The following KHDRBS2 variants were observed in gnomAD, a reference collection of about 807,000 sequenced individuals.
KHDRBS2 encodes the protein KH domain-containing, RNA-binding, signal transduction-associated protein 2.
In KHDRBS2, 26 loss-of-function variants were observed where a neutral mutation model predicts 44.3. That is an observed-to-expected ratio of 0.59 (90% CI 0.43 to 0.81). The LOEUF (loss-of-function observed/expected upper bound fraction) is 0.81, where lower values mean the gene tolerates loss of function less well. KHDRBS2 is among the 40% of genes least tolerant of loss of function. The probability of loss-of-function intolerance (pLI) is 0.00; values close to 1 mark genes in which losing one functional copy is unlikely to be tolerated. For missense variants in KHDRBS2, 476 were observed against 433.1 expected (o/e 1.10, Z -0.88); for synonymous variants, 194 against 151.1 (o/e 1.28, Z -2.08).
chr6:62,095,421 T>C (rs1326971801), intron 2 of KHDRBS2, among the ~76,000 whole-genome samples: 1 of 151,884 alleles, frequency 6.6e-6, no homozygotes, highest in East Asian at 1.9e-4. Context: ...ACCTTTTCTA[T>C]GTTTAGATAC....
In KHDRBS2 at chr6:61,974,114, T is replaced by A. The variant is rs550151033; in HGVS notation, c.483+3952A>T. Among the ~76,000 whole-genome samples, 3 of 152,316 alleles carry A rather than the reference T, an allele frequency of 2.0e-5. No individual in the cohort carries two copies. The South Asian group carries it at 6.2e-4, about 32-fold the overall frequency. The stretch of plus-strand genomic sequence containing the variant: ...TCATGAGTTAATAATTAAGCATTAG[T>A]AAAACTTATTAATTCAATTGAATTG... On this transcript the variant is annotated intron_variant, in intron 4 of 8. Coordinates refer to ENST00000281156, the MANE Select transcript of KHDRBS2 (RefSeq NM_152688.4).
intron 4 of KHDRBS2, among the ~76,000 whole-genome samples, chr6:61,976,449 A>G (rs1772678430): frequency 6.6e-6 from 1 of 152,098 alleles, no homozygotes; most frequent in Non-Finnish European, 1.5e-5. Context: ...TAGCCTACAG[A>G]GTAGGATATA....
At chr6:61,962,367 G>C (rs1276637562) in intron 4 of KHDRBS2, among the ~76,000 whole-genome samples, 1 of 152,066 alleles carries the variant, frequency 6.6e-6, no homozygotes, top group Non-Finnish European at 1.5e-5. Flanking sequence ...AAAACTTGCT[G>C]CTCTAACACA....
At chr6:62,074,673 C>A (rs1795978047) in intron 2 of KHDRBS2, among the ~76,000 whole-genome samples, 1 of 151,870 alleles carries the variant, frequency 6.6e-6, no homozygotes, top group African/African-American at 2.4e-5. Context: ...GTTATCATGG[C>A]TAAACATGTC....
At position 61,764,344 on chromosome 6, in the gene KHDRBS2, C is replaced by A. The variant is rs144047459; in HGVS notation, c.811-31580G>T. 3.2e-4 allele frequency among the ~76,000 whole-genome samples: 49 copies of A among 152,204 alleles called. No individual in the cohort carries two copies. In the East Asian group the frequency reaches 9.1e-3, roughly 28 times the overall value. On this transcript the variant is annotated intron_variant, in intron 6 of 8. Coordinates refer to ENST00000281156, the MANE Select transcript of KHDRBS2 (RefSeq NM_152688.4). Reference sequence around the variant, plus strand: ...ACGATTATATTCCTTTGGGTATATACCCAGTAATGGGATTGCTGGGTAAAA... The same window carrying A: ...ACGATTATATTCCTTTGGGTATATAACCAGTAATGGGATTGCTGGGTAAAA...
intron 4 of KHDRBS2, among the ~76,000 whole-genome samples, chr6:61,968,949 GA>G (rs1770726678): frequency 6.6e-6 from 1 of 151,680 alleles, no homozygotes. Context: ...ATAAAAGAAA[GA>G]AAAAAATAAT....
At chr6:61,824,241 G>A (rs1231943249) in intron 6 of KHDRBS2, among the ~76,000 whole-genome samples, 1 of 152,108 alleles carries the variant, frequency 6.6e-6, no homozygotes, top group East Asian at 1.9e-4. Context: ...AGTGTTGGAG[G>A]GCCTGGTGGG....
intron 2 of KHDRBS2, among the ~76,000 whole-genome samples, chr6:62,093,888 GTGTGTA>G (rs755611852): frequency 2.8e-3 from 393 of 142,524 alleles, no homozygotes; most frequent in African/African-American, 7.0e-3. Context: ...GTGTGTGTGT[GTGTGTA>G]TATCACATTT....
intron 6 of KHDRBS2, among the ~76,000 whole-genome samples, chr6:61,876,491 C>A (rs1267018664): frequency 7.4e-6 from 1 of 135,530 alleles, no homozygotes; most frequent in African/African-American, 2.5e-5. Context: ...TATTAGTGTA[C>A]CTACATTCTT....
the KHDRBS2 span, among the ~76,000 whole-genome samples, chr6:61,655,346 C>T: frequency 6.6e-5 from 10 of 151,914 alleles, no homozygotes; most frequent in African/African-American, 2.4e-4. Context: ...CCTCCACCTA[C>T]TAGTTTAAGT....
intron 6 of KHDRBS2, among the ~76,000 whole-genome samples, chr6:61,765,929 G>T (rs1215681690): frequency 7.6e-6 from 1 of 132,370 alleles, no homozygotes; most frequent in Non-Finnish European, 1.6e-5. Flanking sequence ...AGGTTTATTG[G>T]CCTGTAGTTT....
chr6:61,698,492 A>C (rs1221754441), intron 7 of KHDRBS2, among the ~76,000 whole-genome samples: 1 of 152,146 alleles, frequency 6.6e-6, no homozygotes, highest in East Asian at 1.9e-4. Flanking sequence ...CATTTAAATG[A>C]GTATGCTATC....
At chr6:61,764,945 A>G (rs1216317825) in intron 6 of KHDRBS2, among the ~76,000 whole-genome samples, 2 of 124,670 alleles carry the variant, frequency 1.6e-5, no homozygotes, top group Non-Finnish European at 3.7e-5. Context: ...TTTAAAAAAA[A>G]TCAAAAACTT....
At chr6:61,810,784 T>C (rs1787997672) in intron 6 of KHDRBS2, among the ~76,000 whole-genome samples, 1 of 151,896 alleles carries the variant, frequency 6.6e-6, no homozygotes, top group Non-Finnish European at 1.5e-5. Context: ...AAGAATAGAG[T>C]AAAATAATGC....
intron 6 of KHDRBS2, among the ~76,000 whole-genome samples, chr6:61,771,292 A>C (rs1014061335): frequency 2.0e-5 from 3 of 152,178 alleles, no homozygotes; most frequent in East Asian, 1.9e-4. Context: ...TGAGCAAAAT[A>C]ACCAGCTAAC....
chr6:62,180,944 A>C (rs536318400), intron 1 of KHDRBS2, among the ~76,000 whole-genome samples: 1 of 151,854 alleles, frequency 6.6e-6, no homozygotes, highest in East Asian at 1.9e-4. Flanking sequence ...AGGGAGAAAA[A>C]AAGTCTCTTC....
chr6:61,824,604 C>G, intron 6 of KHDRBS2, among the ~76,000 whole-genome samples: 1 of 152,210 alleles, frequency 6.6e-6, no homozygotes, highest in African/African-American at 2.4e-5. Context: ...CTACTTTGCC[C>G]TAAAATTGGA....
At chr6:61,681,615 C>T (rs558909002) in intron 8 of KHDRBS2, among the ~76,000 whole-genome samples, 21 of 150,112 alleles carry the variant, frequency 1.4e-4, no homozygotes, top group African/African-American at 4.4e-4. Flanking sequence ...TAGAAAAAAC[C>T]TTAAGCAGCA....
intron 2 of KHDRBS2, among the ~76,000 whole-genome samples, chr6:62,162,303 G>T (rs1226808704): frequency 6.6e-6 from 1 of 152,042 alleles, no homozygotes; most frequent in Non-Finnish European, 1.5e-5. Flanking sequence ...TGTTGTGTGT[G>T]TGGGAATGTG....
Sources: allele counts gnomAD v4.1 joint callset (sites outside exome capture counted in the v4.1 genomes callset), GRCh38; gene constraint gnomAD v4.1.1; transcripts MANE v1.5; gene names NCBI Gene and HGNC (gene_info 2026-07-23, HGNC 2026-07-21).